The following IMMP1L variants were observed in gnomAD, a reference collection of about 807,000 sequenced individuals.
IMMP1L encodes mitochondrial inner membrane protease subunit 1.
A neutral mutation model predicts 21.8 loss-of-function variants in IMMP1L; 24 were observed. The ratio of observed to expected loss-of-function variants is 1.10; its 90% confidence interval spans 0.80 to 1.55. The LOEUF (loss-of-function observed/expected upper bound fraction) is 1.55. Among genes scored for constraint, IMMP1L ranks in the 40% most tolerant of loss-of-function variants. The pLI, the probability that IMMP1L is intolerant of heterozygous loss-of-function variation, is 0.00. For missense variants in IMMP1L, 195 were observed against 200.7 expected (o/e 0.97, Z 0.17); for synonymous variants, 46 against 62.8 (o/e 0.73, Z 1.26).
intron 1 of IMMP1L, among the ~76,000 whole-genome samples, chr11:31,483,116 C>T (rs1954957075): frequency 6.6e-6 from 1 of 151,848 alleles, no homozygotes; most frequent in African/African-American, 2.4e-5. Context: ...AATGAATCTG[C>T]TATTAAAATT....
chr11:31,448,529 A>T (rs1287755357), intron 4 of IMMP1L, among the ~76,000 whole-genome samples: 1 of 152,152 alleles, frequency 6.6e-6, no homozygotes, highest in Non-Finnish European at 1.5e-5. Flanking sequence ...AATACATATA[A>T]TATTTTCATT....
intron 4 of IMMP1L, chr11:31,452,450 A>G: frequency 1.0e-6 from 1 of 985,456 alleles, no homozygotes; most frequent in Non-Finnish European, 1.2e-6. Flanking sequence ...CTGCTGTGCA[A>G]ACCAATAGGA....
intron 1 of IMMP1L, among the ~76,000 whole-genome samples, chr11:31,498,106 A>T (rs1955510950): frequency 6.6e-6 from 1 of 152,224 alleles, no homozygotes; most frequent in African/African-American, 2.4e-5. Flanking sequence ...TAGAAAAAAC[A>T]TAATTTGCTT....
chr11:31,460,586 T>C, intron 3 of IMMP1L, 40 bp downstream of exon 3: 1 of 1,270,928 alleles, frequency 7.9e-7, no homozygotes. Context: ...TGTGTGTGTA[T>C]TTTCACTGTA....
chr11:31,508,815 A>G (rs1955879675), intron 1 of IMMP1L, among the ~76,000 whole-genome samples: 1 of 152,232 alleles, frequency 6.6e-6, no homozygotes. Context: ...GTTTTGAAAA[A>G]AAAATTAAAT....
intron 1 of IMMP1L, among the ~76,000 whole-genome samples, chr11:31,471,605 A>G (rs956251679): frequency 2.0e-5 from 3 of 152,170 alleles, no homozygotes; most frequent in Non-Finnish European, 2.9e-5. Flanking sequence ...ACTTCCTCCA[A>G]TGTAATAAAA....
At chr11:31,457,108 T>C (rs756461485) in intron 3 of IMMP1L, among the ~76,000 whole-genome samples, 33 of 151,970 alleles carry the variant, frequency 2.2e-4, no homozygotes, top group Non-Finnish European at 2.9e-5. Context: ...AATTGAGGAA[T>C]GATAGCATGT....
intron 2 of IMMP1L, among the ~76,000 whole-genome samples, chr11:31,462,316 C>CA (rs777053056): frequency 0.01 from 731 of 71,912 alleles, 9 homozygotes; most frequent in Middle Eastern, 0.016. Context: ...ACCCTGTCTC[C>CA]AAAAAAAAAA....
intron 4 of IMMP1L, chr11:31,452,671 T>A (rs976292653): frequency 2.0e-6 from 2 of 989,086 alleles, no homozygotes; most frequent in African/African-American, 1.7e-5. Flanking sequence ...CAGTAGCCAA[T>A]GCTCAGTTCA....
chr11:31,459,747 A>C (rs913105866), intron 3 of IMMP1L, among the ~76,000 whole-genome samples: 1 of 152,152 alleles, frequency 6.6e-6, no homozygotes, highest in Admixed American at 6.5e-5. Context: ...GGACTTTAAA[A>C]GGTTTAGTGA....
At chr11:31,440,435 A>G (rs1034733340) in intron 4 of IMMP1L, among the ~76,000 whole-genome samples, 2 of 152,156 alleles carry the variant, frequency 1.3e-5, no homozygotes, top group African/African-American at 4.8e-5. Context: ...CTCTCGCCCA[A>G]GCTGGAGTGC....
At chr11:31,480,342 T>C (rs913393139) in intron 1 of IMMP1L, among the ~76,000 whole-genome samples, 11 of 152,042 alleles carry the variant, frequency 7.2e-5, no homozygotes, top group Non-Finnish European at 1.5e-4. Context: ...TTTGATCATA[T>C]CATCAATGAA....
chr11:31,467,323 G>A (rs1954391097), intron 1 of IMMP1L, among the ~76,000 whole-genome samples: 1 of 152,092 alleles, frequency 6.6e-6, no homozygotes, highest in African/African-American at 2.4e-5. Flanking sequence ...GCCATTGTAA[G>A]AAGCAATGAC....
At chr11:31,440,244 G>A (rs996328375) in intron 4 of IMMP1L, among the ~76,000 whole-genome samples, 13 of 152,058 alleles carry the variant, frequency 8.5e-5, no homozygotes, top group Admixed American at 6.5e-5. Flanking sequence ...TCAAGGATTA[G>A]TTTCATACTG....
At chr11:31,435,722 A>G (rs542863535) in intron 4 of IMMP1L, among the ~76,000 whole-genome samples, 2 of 151,990 alleles carry the variant, frequency 1.3e-5, no homozygotes, top group East Asian at 1.9e-4. Flanking sequence ...CCCTCATTTC[A>G]TAAGCACTCT....
At chr11:31,458,820 A>C (rs1304717258) in intron 3 of IMMP1L, among the ~76,000 whole-genome samples, 3 of 152,228 alleles carry the variant, frequency 2.0e-5, no homozygotes, top group Admixed American at 6.5e-5. Flanking sequence ...ATCTGAATTC[A>C]TTTACTGAAT....
At chr11:31,463,388 C>G (rs1225976648) in intron 1 of IMMP1L, 83 bp from the exon 2 acceptor site, 1 of 1,269,110 alleles carries the variant, frequency 7.9e-7, no homozygotes, top group Non-Finnish European at 1.0e-6. Flanking sequence ...ATTTTACAAT[C>G]ACCCAAAATG....
At chr11:31,483,115 G>T (rs1954956973) in intron 1 of IMMP1L, among the ~76,000 whole-genome samples, 1 of 151,896 alleles carries the variant, frequency 6.6e-6, no homozygotes, top group African/African-American at 2.4e-5. Flanking sequence ...AAATGAATCT[G>T]CTATTAAAAT....
At chr11:31,433,617 T>C (rs1292011482) in intron 4 of IMMP1L, 47 bp from the exon 5 acceptor site, 2 of 1,178,550 alleles carry the variant, frequency 1.7e-6, no homozygotes. Flanking sequence ...AAACCTAATT[T>C]GGGTACTATA....
Sources: allele counts gnomAD v4.1 joint callset (sites outside exome capture counted in the v4.1 genomes callset), GRCh38; gene constraint gnomAD v4.1.1; transcripts MANE v1.5; gene names NCBI Gene and HGNC (gene_info 2026-07-23, HGNC 2026-07-21).